Variants in STK3 observed in about 807,000 individuals in gnomAD.
The protein encoded by STK3 is serine/threonine-protein kinase 3.
In STK3, 41 loss-of-function variants were observed where a neutral mutation model predicts 58.0. That is an observed-to-expected ratio of 0.71 (90% confidence interval 0.55 to 0.92). The LOEUF (loss-of-function observed/expected upper bound fraction) is 0.92, where lower values mean the gene tolerates loss of function less well. Among genes scored for constraint, STK3 ranks in the 40% least tolerant of loss-of-function variants. The pLI is 0.00. For synonymous variants in STK3, 170 were observed against 191.0 expected (o/e 0.89, Z 0.91); for missense variants, 479 against 602.7 (o/e 0.79, Z 2.15).
intron 4 of STK3, among the ~76,000 whole-genome samples, chr8:98,739,968 T>C (rs1431711037): frequency 3.3e-5 from 5 of 152,102 alleles, no homozygotes; most frequent in African/African-American, 2.4e-5. Flanking sequence ...CAGGAGCCGA[T>C]GCGATCAACT....
At chr8:98,386,466 T>C (rs1211734538) in intron 1 of STK3, among the ~76,000 whole-genome samples, 1 of 152,078 alleles carries the variant, frequency 6.6e-6, no homozygotes, top group Non-Finnish European at 1.5e-5. Context: ...CTATTAAAAG[T>C]GGGGAAAGGC....
intron 4 of STK3, among the ~76,000 whole-genome samples, chr8:98,711,964 A>G (rs1826494210): frequency 6.6e-6 from 1 of 152,184 alleles, no homozygotes. Context: ...GCCAGAAGAC[A>G]GGGGGGCCAA....
At chr8:98,655,865 G>A (rs1263576661) in intron 6 of STK3, among the ~76,000 whole-genome samples, 2 of 152,170 alleles carry the variant, frequency 1.3e-5, no homozygotes, top group African/African-American at 2.4e-5. Context: ...TGGAGAAATA[G>A]GAACACTTTT....
At chr8:98,493,790 A>G (rs1784891711) in intron 10 of STK3, among the ~76,000 whole-genome samples, 1 of 152,194 alleles carries the variant, frequency 6.6e-6, no homozygotes, top group Admixed American at 6.5e-5. Flanking sequence ...TATAACCAAA[A>G]TGAATTCATC....
At chr8:98,496,461 A>G (rs1364621619) in intron 10 of STK3, among the ~76,000 whole-genome samples, 1 of 152,188 alleles carries the variant, frequency 6.6e-6, no homozygotes, top group East Asian at 1.9e-4. Context: ...AGAAATATAC[A>G]ACCTATACTC....
chr8:98,765,446 T>C (rs1830884374), intron 3 of STK3, among the ~76,000 whole-genome samples: 1 of 152,182 alleles, frequency 6.6e-6, no homozygotes, highest in Non-Finnish European at 1.5e-5. Context: ...ATCCTATGTA[T>C]TGTTAGGAGT....
chr8:98,396,812 G>A (rs993292595), downstream of STK3, among the ~76,000 whole-genome samples: 3 of 152,290 alleles, frequency 2.0e-5, no homozygotes, highest in Non-Finnish European at 4.4e-5. Flanking sequence ...GACAACCAAG[G>A]CAACTTCACA....
chr8:98,378,995 T>C (rs933969187), intron 2 of STK3, among the ~76,000 whole-genome samples: 13 of 152,074 alleles, frequency 8.5e-5, no homozygotes, highest in African/African-American at 3.1e-4. Context: ...AGACCCAGGG[T>C]CCCAGGAAGT....
intron 8 of STK3, among the ~76,000 whole-genome samples, chr8:98,562,571 T>C (rs1812131603): frequency 6.6e-6 from 1 of 151,358 alleles, no homozygotes. Flanking sequence ...ACTGTTCTGT[T>C]TGACAGTACA....
intron 4 of STK3, among the ~76,000 whole-genome samples, chr8:98,711,109 G>C (rs952858100): frequency 3.9e-5 from 6 of 152,058 alleles, no homozygotes; most frequent in African/African-American, 1.4e-4. Flanking sequence ...AAACAGAAAG[G>C]ACATCCACAC....
chr8:98,375,938 C>T (rs894114591), intron 2 of STK3, among the ~76,000 whole-genome samples: 1 of 152,154 alleles, frequency 6.6e-6, no homozygotes, highest in African/African-American at 2.4e-5. Flanking sequence ...GGAGTAGATA[C>T]ACAGGGGTGG....
chr8:98,387,889 T>TG (rs1817809189), intron 1 of STK3, among the ~76,000 whole-genome samples: 1 of 150,738 alleles, frequency 6.6e-6, no homozygotes, highest in Non-Finnish European at 1.5e-5. Flanking sequence ...TTTTTTTTTT[T>TG]GTCAGATACG....
chr8:98,507,308 CCAGTT>C (rs760947955), intron 10 of STK3, among the ~76,000 whole-genome samples: 4 of 152,156 alleles, frequency 2.6e-5, no homozygotes, highest in Non-Finnish European at 5.9e-5. Context: ...ACAGTCTTCC[CCAGTT>C]CAGTTATAGG....
At chr8:98,776,790 G>A (rs1049806956) in intron 1 of STK3, among the ~76,000 whole-genome samples, 7 of 151,418 alleles carry the variant, frequency 4.6e-5, no homozygotes, top group Non-Finnish European at 1.0e-4. Context: ...GGTGGCTCAC[G>A]CCTGTAATCC....
chr8:98,482,991 A>G (rs1335189093), intron 10 of STK3, among the ~76,000 whole-genome samples: 4 of 152,184 alleles, frequency 2.6e-5, no homozygotes, highest in Non-Finnish European at 5.9e-5. Context: ...TCTGATTATT[A>G]GTGAGAGAGA....
intron 3 of STK3, among the ~76,000 whole-genome samples, chr8:98,422,458 G>C (rs1341088421): frequency 6.6e-6 from 1 of 152,114 alleles, no homozygotes; most frequent in African/African-American, 2.4e-5. Flanking sequence ...ACCCAGACAG[G>C]CTGGCTAGCT....
intron 1 of STK3, among the ~76,000 whole-genome samples, chr8:98,818,923 C>A (rs781255030): frequency 6.6e-6 from 1 of 152,106 alleles, no homozygotes; most frequent in Non-Finnish European, 1.5e-5. Flanking sequence ...CAAGTTCACA[C>A]GATTCTCCTG....
At chr8:98,421,139 C>G (rs1818168793) in intron 3 of STK3, among the ~76,000 whole-genome samples, 1 of 152,206 alleles carries the variant, frequency 6.6e-6, no homozygotes. Flanking sequence ...TTGTTCTGAT[C>G]TGGGCATTCC....
Position 98,376,613 on chromosome 8 carries a change from T to G in STK3, n.111+2540A>C, listed in dbSNP as rs538347814. Among the ~76,000 whole-genome samples the G allele has an allele frequency of 1.6e-4, 25 of 152,350 alleles. No individual in the cohort carries two copies. The East Asian group carries it at 4.8e-3, about 29-fold the overall frequency. The stretch of plus-strand genomic sequence containing the variant: ...TTAAGGGCTGATGTTTAGATGGAGA[T>G]TCAGCTTTTGCATATAGATATCCAA... On this transcript the variant is annotated intron_variant and non_coding_transcript_variant, in intron 2 of 2. Transcript: ENST00000518704.
Sources: allele counts gnomAD v4.1 joint callset (sites outside exome capture counted in the v4.1 genomes callset), GRCh38; gene constraint gnomAD v4.1.1; transcripts MANE v1.5; gene names NCBI Gene and HGNC (gene_info 2026-07-23, HGNC 2026-07-21).